Variants in ADGRV1 observed in about 807,000 individuals in gnomAD.
ADGRV1 encodes the protein adhesion G protein-coupled receptor V1.
Under a neutral mutation model 596.2 loss-of-function variants are expected in ADGRV1, and 359 were observed. The observed-to-expected ratio is 0.60, with a 90% CI of 0.55 to 0.66. The LOEUF (loss-of-function observed/expected upper bound fraction) is 0.66. Among genes scored for constraint, ADGRV1 ranks in the 30% least tolerant of loss-of-function variants. The pLI is 0.00. For missense variants in ADGRV1, 7,274 were observed against 7,575.6 expected, an observed-to-expected ratio of 0.96 and a Z score of 1.48; for synonymous variants, 2,681 against 2,679.2, an observed-to-expected ratio of 1.00 and a Z score of -0.02.
At position 90,790,993 on chromosome 5, in the gene ADGRV1, G is replaced by A; in HGVS notation, c.14164G>A (p.Glu4722Lys). The A allele has an allele frequency of 6.2e-7, 1 of 1,613,822 alleles. No individual in the cohort carries two copies. The highest frequency in any genetic ancestry group is 1.3e-5 in the African/African-American group (1 of 75,038). The change falls in exon 70 of 90, where the codon GAG (glutamate) becomes AAG (lysine). Residue 4722 changes from glutamate to lysine, a missense_variant. Physicochemically the swap from Glu to Lys is moderately conservative, Grantham distance 56. Transcript: ENST00000405460. Reference protein sequence around the residue: ...ASFDVHLLPDEVPEIEEDYVI... With the variant: ...ASFDVHLLPDKVPEIEEDYVI... ...CTTTGATGTTCATTTGCTACCAGATGAGGTACCTGAGATAGAGGAAGATTA... is the reference window on the plus strand; with the variant it reads ...CTTTGATGTTCATTTGCTACCAGATAAGGTACCTGAGATAGAGGAAGATTA...
chr5:90,695,936 T>C (rs764499156), intron 33 of ADGRV1, among the ~76,000 whole-genome samples: 1 of 152,132 alleles, frequency 6.6e-6, no homozygotes, highest in Non-Finnish European at 1.5e-5. Flanking sequence ...AAGAAAGTTA[T>C]ATATAAAGAA....
At chr5:90,810,180 A>G (rs1048669686) in intron 73 of ADGRV1, 53 bp from the exon 74 acceptor site, 3 of 1,371,952 alleles carry the variant, frequency 2.2e-6, no homozygotes, top group Non-Finnish European at 9.9e-7. Flanking sequence ...CTCTACAGTC[A>G]TATTCCTATT....
At chr5:90,869,922 A>C (rs1184670666) in intron 83 of ADGRV1, among the ~76,000 whole-genome samples, 1 of 152,218 alleles carries the variant, frequency 6.6e-6, no homozygotes, top group African/African-American at 2.4e-5. Flanking sequence ...CTGCTATACT[A>C]AGTTGCTTCA....
chr5:90,665,482 C>G (rs1404377572), intron 21 of ADGRV1, among the ~76,000 whole-genome samples: 1 of 151,706 alleles, frequency 6.6e-6, no homozygotes, highest in Admixed American at 6.6e-5. Flanking sequence ...TTTTTTATTC[C>G]GTCTATTTGA....
At chr5:90,661,052 A>G (rs1275642489) in intron 21 of ADGRV1, among the ~76,000 whole-genome samples, 1 of 152,184 alleles carries the variant, frequency 6.6e-6, no homozygotes, top group African/African-American at 2.4e-5. Flanking sequence ...TTGGATTCCA[A>G]GTGGGATCTG....
chr5:90,564,521 G>T (rs556544765), intron 1 of ADGRV1, among the ~76,000 whole-genome samples: 4 of 152,314 alleles, frequency 2.6e-5, no homozygotes, highest in African/African-American at 9.6e-5. Flanking sequence ...GAGATAGCTG[G>T]AAGTGCAGAG....
At chr5:91,048,639 AACTTTCTTTCTCTCTTTCTG>A (rs1372180998) in intron 85 of ADGRV1, among the ~76,000 whole-genome samples, 13 of 152,132 alleles carry the variant, frequency 8.5e-5, no homozygotes, top group South Asian at 2.1e-4. Context: ...TCCTTTTCTA[AACTTTCTTTCTCTCTTTCTG>A]ACTTTCTTTC....
intron 87 of ADGRV1, among the ~76,000 whole-genome samples, chr5:91,144,201 G>T (rs981621607): frequency 1.3e-5 from 2 of 152,194 alleles, no homozygotes; most frequent in Non-Finnish European, 2.9e-5. Context: ...TCAAAGCCCA[G>T]CCATACCTCC....
At chr5:91,102,609 T>C (rs1369663739) in intron 87 of ADGRV1, among the ~76,000 whole-genome samples, 2 of 152,216 alleles carry the variant, frequency 1.3e-5, no homozygotes, top group Admixed American at 1.3e-4. Flanking sequence ...CACAAACATA[T>C]TTCTTTTTCA....
intron 52 of ADGRV1, among the ~76,000 whole-genome samples, chr5:90,748,924 C>T (rs1754947611): frequency 6.6e-6 from 1 of 150,528 alleles, no homozygotes; most frequent in Non-Finnish European, 1.5e-5. Flanking sequence ...ACATTAGGGG[C>T]TTAGGATGAA....
At chr5:90,627,918 AC>A in intron 7 of ADGRV1, 142 bp downstream of exon 7, 1 of 88,780 alleles carries the variant, frequency 1.1e-5, no homozygotes, top group Non-Finnish European at 1.9e-5. Flanking sequence ...CTCAGAAAAG[AC>A]ACACACACAC....
intron 78 of ADGRV1, among the ~76,000 whole-genome samples, chr5:90,845,708 G>C (rs1391501273): frequency 4.0e-5 from 6 of 151,816 alleles, no homozygotes; most frequent in Admixed American, 3.3e-4. Flanking sequence ...TACATTTTTA[G>C]ACATGAATAT....
intron 53 of ADGRV1, among the ~76,000 whole-genome samples, chr5:90,753,158 G>A (rs1481882783): frequency 6.6e-6 from 1 of 152,102 alleles, no homozygotes; most frequent in Non-Finnish European, 1.5e-5. Context: ...TGATACATCT[G>A]TTCAGAGTTA....
At position 90,755,111 on chromosome 5, in the gene ADGRV1, T is replaced by C. The variant is rs1561663986; in HGVS notation, c.11506T>C (p.Tyr3836His). ...VDNQATENEDYVLQETIIIMK... is the reference protein window; with the variant it reads ...VDNQATENEDHVLQETIIIMK... ...TAATCAAGCTACTGAGAATGAAGAT[T>C]ATGTATTGCAAGAAACAATAATAAT... The change falls in exon 55 of 90, where the codon TAT (tyrosine) becomes CAT (histidine). Residue 3836 changes from tyrosine to histidine, a missense_variant. By Grantham distance (83) the Tyr-to-His change is moderately conservative. Around this residue, in one of 5 missense-constraint regions of ADGRV1, gnomAD observed 3,643 missense variants for 3,809.2 expected, o/e 0.96. Transcript: ENST00000405460. The C allele has an allele frequency of 6.2e-7, 1 of 1,611,688 alleles. No individual in the cohort carries two copies. Among genetic ancestry groups the C allele is most frequent in the Non-Finnish European group, 8.5e-7 (1 of 1,178,194 alleles).
intron 85 of ADGRV1, among the ~76,000 whole-genome samples, chr5:90,996,330 G>A (rs1781413436): frequency 6.6e-6 from 1 of 152,168 alleles, no homozygotes; most frequent in Non-Finnish European, 1.5e-5. Context: ...TCCAGCTCCA[G>A]CTGTGGCAAA....
intron 57 of ADGRV1, among the ~76,000 whole-genome samples, chr5:90,758,222 A>C (rs1236035153): frequency 2.0e-5 from 3 of 152,130 alleles, no homozygotes; most frequent in Non-Finnish European, 4.4e-5. Context: ...AGTCCCAGCT[A>C]TTCCGGCGAC....
Position 90,797,679 on chromosome 5 carries a change from T to A in ADGRV1, c.14518-5060T>A, listed in dbSNP as rs141243184. 1.1e-3 allele frequency among the ~76,000 whole-genome samples: 171 copies of A among 152,308 alleles called. 2 individuals are homozygous for A. In the East Asian group the frequency reaches 0.032, roughly 28 times the overall value. ...CCCAAATCAACGGAATATATCTTCTTCTCAGCACCTCGTCGCACTTATTCT... is the reference window on the plus strand; with the variant it reads ...CCCAAATCAACGGAATATATCTTCTACTCAGCACCTCGTCGCACTTATTCT... On this transcript the variant is annotated intron_variant, in intron 70 of 89. Coordinates refer to ENST00000405460, the MANE Select transcript of ADGRV1 (RefSeq NM_032119.4).
chr5:91,102,946 C>T (rs1562222939), intron 87 of ADGRV1, among the ~76,000 whole-genome samples: 2 of 152,164 alleles, frequency 1.3e-5, no homozygotes, highest in African/African-American at 4.8e-5. Flanking sequence ...CTGATATTAA[C>T]AAATGGAACA....
chr5:90,821,742 A>C (rs1409924330), intron 75 of ADGRV1, among the ~76,000 whole-genome samples: 2 of 152,038 alleles, frequency 1.3e-5, no homozygotes, highest in African/African-American at 4.8e-5. Context: ...GTCAGGGGTC[A>C]GGCACCCACT....
Sources: allele counts gnomAD v4.1 joint callset (sites outside exome capture counted in the v4.1 genomes callset), GRCh38; gene constraint gnomAD v4.1.1; regional missense constraint gnomAD v4.1.1; transcripts MANE v1.5; gene names NCBI Gene and HGNC (gene_info 2026-07-23, HGNC 2026-07-21).